Variants in AP1G1 observed in about 807,000 individuals in gnomAD.
The protein encoded by AP1G1 is adaptor related protein complex 1 subunit gamma 1, also known as AP-1 complex subunit gamma-1.
In AP1G1, 7 loss-of-function variants were observed where a neutral mutation model predicts 108.3. The ratio of observed to expected loss-of-function variants is 0.06; its 90% confidence interval spans 0.04 to 0.12. AP1G1 has a LOEUF of 0.12. Ranked by LOEUF, AP1G1 falls within the 10% of genes least tolerant of loss-of-function variation. AP1G1 has a pLI of 1.00. For synonymous variants in AP1G1, 379 were observed against 353.5 expected, an observed-to-expected ratio of 1.07 and a Z score of -0.81; for missense variants, 756 against 1,010.7, an observed-to-expected ratio of 0.75 and a Z score of 3.42.
rs1409087501 is a variant in AP1G1 at position 71,756,112 on chromosome 16, C to T, written c.1136G>A (p.Arg379Gln). The change falls in exon 12 of 23, where the codon CGA becomes CAA. Residue 379 changes from arginine (R) to glutamine (Q), a missense_variant. Around this residue, in one of 3 missense-constraint regions of AP1G1, gnomAD observed 304 missense variants for 483.6 expected, o/e 0.63. Transcript: ENST00000299980. ...SFALVNGNNI[R>Q]GMMKELLYFL... ...ATAAAGTAATTCTTTCATCATGCCTCGGATATTATTCCCATTTACCAGGGC... is the reference window on the plus strand; with the variant it reads ...ATAAAGTAATTCTTTCATCATGCCTTGGATATTATTCCCATTTACCAGGGC... 1.1e-5 allele frequency: 17 copies of T among 1,613,446 alleles called. No homozygotes were observed. The highest frequency in any genetic ancestry group is 1.6e-4 in the Middle Eastern group (1 of 6,082).
At chr16:71,798,709 G>A (rs1397073929) in intron 1 of AP1G1, among the ~76,000 whole-genome samples, 1 of 151,818 alleles carries the variant, frequency 6.6e-6, no homozygotes, top group African/African-American at 2.4e-5. Context: ...CCAACATGGC[G>A]AATCTCTGTC....
At chr16:71,753,044 CCCCT>C (rs2030590617) in intron 13 of AP1G1, among the ~76,000 whole-genome samples, 1 of 152,080 alleles carries the variant, frequency 6.6e-6, no homozygotes, top group South Asian at 2.1e-4. Flanking sequence ...GTAGACTGTT[CCCCT>C]TTTTGTTATT....
intron 1 of AP1G1, 161 bp downstream of exon 1, chr16:71,808,602 G>C: frequency 7.8e-6 from 10 of 1,289,560 alleles, no homozygotes; most frequent in Non-Finnish European, 1.0e-5. Context: ...CAGCCCCTGG[G>C]GCTCCCGGCC....
At chr16:71,755,462 A>G (rs921678722) in intron 12 of AP1G1, among the ~76,000 whole-genome samples, 8 of 152,146 alleles carry the variant, frequency 5.3e-5, no homozygotes, top group Non-Finnish European at 1.5e-5. Context: ...AAAAAAAACC[A>G]GCATCATAGA....
At chr16:71,773,078 A>G (rs1298052768) in intron 4 of AP1G1, 143 bp downstream of exon 4, 2 of 870,026 alleles carry the variant, frequency 2.3e-6, no homozygotes, top group Non-Finnish European at 1.8e-6. Flanking sequence ...AATTAAGGTT[A>G]ATATATAATC....
chr16:71,729,584 A>G lies in AP1G1; in HGVS notation c.*3474T>C, dbSNP rs1480143952. ...GGAACCCTGTCGATGGGACCCACTC[A>G]CTGATATTGCTTGAAAAAGTTATTC... On this transcript the variant is annotated 3_prime_UTR_variant, in exon 23 of 23. Coordinates refer to ENST00000299980, the MANE Select transcript of AP1G1 (RefSeq NM_001128.6). The G allele has an allele frequency of 6.6e-6, 1 of 152,632 alleles. No individual in the cohort carries two copies. Among genetic ancestry groups the G allele is most frequent in the East Asian group, 1.9e-4 (1 of 5,186 alleles). 9.5% of individuals were successfully genotyped at this position (152,632 alleles called of 1,614,324 possible).
chr16:71,769,097 A>C (rs2031464934), intron 6 of AP1G1, among the ~76,000 whole-genome samples: 1 of 151,422 alleles, frequency 6.6e-6, no homozygotes, highest in Non-Finnish European at 1.5e-5. Context: ...AGCTTGGCCA[A>C]CATGGTGAAA....
At chr16:71,765,610 A>C in intron 6 of AP1G1, 26 bp from the exon 7 acceptor site, 5 of 1,549,860 alleles carry the variant, frequency 3.2e-6, no homozygotes, top group Non-Finnish European at 3.6e-6. Context: ...ATGCATCAAA[A>C]AACAGTGAAT....
At chr16:71,796,263 A>C (rs2032581801) in intron 1 of AP1G1, among the ~76,000 whole-genome samples, 1 of 152,166 alleles carries the variant, frequency 6.6e-6, no homozygotes, top group African/African-American at 2.4e-5. Context: ...CAATGAAATA[A>C]ATCTGGGGAT....
intron 1 of AP1G1, among the ~76,000 whole-genome samples, chr16:71,799,058 C>T (rs963557480): frequency 3.3e-5 from 5 of 151,888 alleles, no homozygotes; most frequent in Non-Finnish European, 4.4e-5. Flanking sequence ...GGCTATTATA[C>T]GTATCAAATA....
chr16:71,755,734 C>T (rs1015013149), intron 12 of AP1G1, among the ~76,000 whole-genome samples: 3 of 152,022 alleles, frequency 2.0e-5, no homozygotes, highest in Non-Finnish European at 4.4e-5. Flanking sequence ...CAACCTCCAC[C>T]TCCCAGGTTC....
intron 6 of AP1G1, among the ~76,000 whole-genome samples, chr16:71,767,126 C>T (rs984078410): frequency 2.6e-5 from 4 of 152,044 alleles, no homozygotes; most frequent in Non-Finnish European, 5.9e-5. Flanking sequence ...AGTCATTTTT[C>T]CTTGGGCTAC....
At chr16:71,806,820 A>C (rs964146116) in intron 1 of AP1G1, 4 of 655,878 alleles carry the variant, frequency 6.1e-6, no homozygotes, top group Middle Eastern at 3.2e-4. Flanking sequence ...AAATCTGCTT[A>C]AATAACAAGA....
intron 1 of AP1G1, chr16:71,808,527 G>C: frequency 3.9e-6 from 5 of 1,278,756 alleles, no homozygotes; most frequent in Non-Finnish European, 4.1e-6. Context: ...GCCACAACAC[G>C]GAACGCCGCG....
At chr16:71,802,404 C>T (rs923796985) in intron 1 of AP1G1, among the ~76,000 whole-genome samples, 1 of 152,070 alleles carries the variant, frequency 6.6e-6, no homozygotes, top group African/African-American at 2.4e-5. Context: ...GCAGCTAAGG[C>T]TACTGGCAAA....
In AP1G1 at chr16:71,731,326, T is replaced by G. The variant is rs1183232957; in HGVS notation, c.*1732A>C. 1 of 152,608 alleles carries G rather than the reference T, an allele frequency of 6.6e-6. No individual in the cohort carries two copies. The highest frequency in any genetic ancestry group is 1.5e-5 in the Non-Finnish European group (1 of 68,038). 9.5% of individuals were successfully genotyped at this position (152,608 alleles called of 1,614,324 possible). ...TTTCCCGTGGAGCCTTTAGTTCAAC[T>G]CCAGTTTGTCAAATGTTAGGAATAT... On this transcript the variant is annotated 3_prime_UTR_variant, in exon 23 of 23. Transcript: ENST00000299980.
chr16:71,758,413 A>T (rs2030914017), intron 11 of AP1G1: 1 of 521,522 alleles, frequency 1.9e-6, no homozygotes, highest in African/African-American at 1.9e-5. Context: ...GTGTGCTGTC[A>T]GCAGTTTGAG....
intron 1 of AP1G1, among the ~76,000 whole-genome samples, chr16:71,801,331 G>T (rs2032792396): frequency 9.7e-6 from 1 of 103,626 alleles, no homozygotes; most frequent in African/African-American, 3.9e-5. Flanking sequence ...ACCATGACAT[G>T]TTAAAAAAAA....
At chr16:71,789,700 G>GT in intron 1 of AP1G1, among the ~76,000 whole-genome samples, 1 of 152,198 alleles carries the variant, frequency 6.6e-6, no homozygotes, top group East Asian at 1.9e-4. Flanking sequence ...AACAAATATG[G>GT]TTAAGTATTA....
Sources: gnomAD v4.1 joint callset for allele counts (sites outside exome capture counted in the v4.1 genomes callset) on GRCh38, gnomAD v4.1.1 for gene constraint, gnomAD v4.1.1 regional missense constraint, MANE v1.5 for transcripts, NCBI Gene and HGNC (gene_info 2026-07-23, HGNC 2026-07-21) for gene names.